TMPRSS9: variants seen among roughly 807,000 people sequenced by gnomAD.
The protein encoded by TMPRSS9 is transmembrane protease serine 9.
Under a neutral mutation model 111.4 loss-of-function variants are expected in TMPRSS9, and 113 were observed. The observed-to-expected ratio is 1.01, with a 90% CI of 0.87 to 1.19. The LOEUF (loss-of-function observed/expected upper bound fraction) is 1.19. Among genes scored for constraint, TMPRSS9 ranks in the 50% most tolerant of loss-of-function variants. The pLI is 0.00. For missense variants in TMPRSS9, 1,803 were observed against 1,513.1 expected, an observed-to-expected ratio of 1.19 and a Z score of -3.18; for synonymous variants, 805 against 659.1, an observed-to-expected ratio of 1.22 and a Z score of -3.39.
At chr19:2,399,948 T>G (rs1298409097) in intron 4 of TMPRSS9, among the ~76,000 whole-genome samples, 1 of 152,194 alleles carries the variant, frequency 6.6e-6, no homozygotes, top group African/African-American at 2.4e-5. Flanking sequence ...TGGGCTGGTC[T>G]TGGACTCCTG....
At chr19:2,365,330 A>G (rs1298416803) in intron 1 of TMPRSS9, among the ~76,000 whole-genome samples, 1 of 151,858 alleles carries the variant, frequency 6.6e-6, no homozygotes, top group African/African-American at 2.4e-5. Flanking sequence ...AAGACCATAG[A>G]CAAAATGAAA....
At chr19:2,418,318 C>CTT (rs1432092583) in intron 13 of TMPRSS9, among the ~76,000 whole-genome samples, 180 bp downstream of exon 14, 2,571 of 47,484 alleles carry the variant, frequency 0.054, 801 homozygotes, top group African/African-American at 0.31. Context: ...TCCCTCCCTC[C>CTT]CTCCCTCCCT....
intron 7 of TMPRSS9, among the ~76,000 whole-genome samples, chr19:2,406,319 C>CTTTAT (rs113369352): frequency 0.35 from 51,108 of 144,698 alleles, 10,208 homozygotes; most frequent in African/African-American, 0.56. Flanking sequence ...CGCCCGGCCT[C>CTTTAT]TTTATTTTAT....
intron 4 of TMPRSS9, among the ~76,000 whole-genome samples, chr19:2,401,345 T>C (rs944643203): frequency 2.0e-5 from 3 of 152,138 alleles, no homozygotes; most frequent in Non-Finnish European, 2.9e-5. Flanking sequence ...CGTCACATGC[T>C]GGTCGAGGTC....
intron 1 of TMPRSS9, among the ~76,000 whole-genome samples, chr19:2,364,401 A>C (rs1245501205): frequency 6.6e-6 from 1 of 152,118 alleles, no homozygotes; most frequent in East Asian, 1.9e-4. Flanking sequence ...TCATAACTGC[A>C]TAAGGCTTCC....
intron 4 of TMPRSS9, among the ~76,000 whole-genome samples, chr19:2,400,782 G>A (rs1019014002): frequency 5.3e-5 from 8 of 149,904 alleles, no homozygotes; most frequent in African/African-American, 2.0e-4. Flanking sequence ...GAGACCAGCC[G>A]GGCCAACACG....
chr19:2,387,187 C>G (rs1051972538), upstream of TMPRSS9, among the ~76,000 whole-genome samples: 5 of 151,924 alleles, frequency 3.3e-5, no homozygotes, highest in African/African-American at 1.2e-4. Flanking sequence ...CAAGATTCCC[C>G]TCTCTACAAA....
exon 3 of TMPRSS9, chr19:2,398,808 T>G (rs868535144): frequency 3.4e-6 from 5 of 1,476,446 alleles, no homozygotes; most frequent in Admixed American, 4.1e-5. Flanking sequence ...GTAAGTAGTT[T>G]TCAGAAGACA....
At chr19:2,393,765 G>C (rs370584698) in intron 1 of TMPRSS9, among the ~76,000 whole-genome samples, 2 of 151,526 alleles carry the variant, frequency 1.3e-5, no homozygotes, top group African/African-American at 4.9e-5. Context: ...GGGCAGACTG[G>C]TACGCGCCTG....
chr19:2,409,744 G>A (rs1413470691), intron 8 of TMPRSS9, among the ~76,000 whole-genome samples: 1 of 152,040 alleles, frequency 6.6e-6, no homozygotes, highest in Non-Finnish European at 1.5e-5. Flanking sequence ...AGGACAGCAG[G>A]GCAGGGGTTG....
At chr19:2,374,947 C>T (rs1279329883) in intron 1 of TMPRSS9, among the ~76,000 whole-genome samples, 1 of 152,192 alleles carries the variant, frequency 6.6e-6, no homozygotes, top group East Asian at 1.9e-4. Flanking sequence ...CACCAGGGGG[C>T]ACAGAACTTG....
chr19:2,416,563 C>T (rs1235981006), exon 12 of TMPRSS9: 11 of 1,610,726 alleles, frequency 6.8e-6, no homozygotes, highest in Non-Finnish European at 9.3e-6. Flanking sequence ...GGTTCGGGCC[C>T]ACCTGGGCAC....
intron 1 of TMPRSS9, among the ~76,000 whole-genome samples, chr19:2,379,618 T>TTTCTTTCTTTCTTTCTTTCC (rs1970366962): frequency 9.5e-6 from 1 of 105,002 alleles, no homozygotes; most frequent in African/African-American, 4.0e-5. Context: ...TTTCTTTCTC[T>TTTCTTTCTTTCTTTCTTTCC]TTCTTTCTTT....
At chr19:2,381,866 G>A (rs1001273163) in intron 1 of TMPRSS9, among the ~76,000 whole-genome samples, 7 of 151,110 alleles carry the variant, frequency 4.6e-5, no homozygotes, top group South Asian at 2.1e-4. Flanking sequence ...ATTTTGAGAC[G>A]GAGTCTCGCT....
chr19:2,365,617 C>CAA (rs141322653), intron 1 of TMPRSS9, among the ~76,000 whole-genome samples: 2 of 130,386 alleles, frequency 1.5e-5, no homozygotes, highest in Admixed American at 7.3e-5. Flanking sequence ...AACAAACAAA[C>CAA]AAACAAAAAA....
chr19:2,423,639 C>G (rs1029091616), intron 14 of TMPRSS9, among the ~76,000 whole-genome samples: 1 of 152,180 alleles, frequency 6.6e-6, no homozygotes, highest in Non-Finnish European at 1.5e-5. Flanking sequence ...CGTGTTCTTT[C>G]CACAGCTGGG....
At chr19:2,404,670 C>G (rs1032194897) in intron 6 of TMPRSS9, among the ~76,000 whole-genome samples, 5 of 152,080 alleles carry the variant, frequency 3.3e-5, no homozygotes, top group Admixed American at 3.3e-4. Context: ...GTGGCTCAGG[C>G]CTGTAATCCC....
At chr19:2,395,272 T>G (rs1260960320) in intron 1 of TMPRSS9, among the ~76,000 whole-genome samples, 1 of 151,640 alleles carries the variant, frequency 6.6e-6, no homozygotes, top group African/African-American at 2.4e-5. Context: ...ACAAAAAAAC[T>G]AGCCAGGTGT....
At chr19:2,425,775 T>C (rs1971608535) in intron 17 of TMPRSS9, 152 bp from the exon 19 acceptor site, 5 of 1,258,040 alleles carry the variant, frequency 4.0e-6, no homozygotes, top group Non-Finnish European at 3.2e-6. Flanking sequence ...TCCATAAATG[T>C]CTGCCACCTT....
Sources: gnomAD v4.1 joint callset for allele counts (sites outside exome capture counted in the v4.1 genomes callset) on GRCh38, gnomAD v4.1.1 for gene constraint, MANE v1.5 for transcripts, NCBI Gene and HGNC (gene_info 2026-07-23, HGNC 2026-07-21) for gene names.